TTC39A: variants seen among roughly 807,000 people sequenced by gnomAD.
The protein encoded by TTC39A is tetratricopeptide repeat protein 39A.
A neutral mutation model predicts 82.3 loss-of-function variants in TTC39A; 46 were observed. The ratio of observed to expected loss-of-function variants is 0.56; its 90% CI spans 0.44 to 0.71. TTC39A has a LOEUF of 0.71. Among genes scored for constraint, TTC39A ranks in the 30% least tolerant of loss-of-function variants. TTC39A has a pLI of 0.00. For missense variants in TTC39A, 543 were observed against 712.9 expected (o/e 0.76, Z 2.71); for synonymous variants, 254 against 275.2 (o/e 0.92, Z 0.76).
intron 13 of TTC39A, 191 bp downstream of exon 13, chr1:51,295,888 C>CCAGCAG (rs751822384): frequency 8.0e-6 from 5 of 623,036 alleles, no homozygotes; most frequent in Non-Finnish European, 1.2e-5. Flanking sequence ...GCTCCAACCA[C>CCAGCAG]CAGCAGCAGC....
chr1:51,302,054 G>A (rs1366110916), intron 11 of TTC39A: 1 of 712,506 alleles, frequency 1.4e-6, no homozygotes, highest in Non-Finnish European at 2.6e-6. Context: ...GCCCTAAACA[G>A]ATGGGCTTTC....
chr1:51,290,608 C>T lies in TTC39A; in HGVS notation c.1284G>A (p.Trp428Ter). 1 of 1,613,476 alleles carries T rather than the reference C, an allele frequency of 6.2e-7. No homozygotes were observed. The highest frequency in any genetic ancestry group is 8.5e-7 in the Non-Finnish European group (1 of 1,179,672). ...PVPALEMMYI[W>*]NGYAVIGKQP... ...GCTTCCCAATCACGGCGTAGCCGTT[C>T]CAGATGTACATCATTTCCTGAAGGC... Residue 428 changes from tryptophan (W) to a stop codon, truncating the protein, a stop_gained, in exon 15 of 18, where the codon TGG becomes TGA. Coordinates refer to ENST00000680483, the MANE Select transcript of TTC39A (RefSeq NM_001297663.2). LOFTEE classifies it high-confidence loss of function.
chr1:51,330,179 G>C lies in TTC39A; in HGVS notation c.41+258C>G. ...GGAAGGCTGCTCTGAACGTGTCTGT[G>C]ACTACAGCTCCGTGAGAAAGTTGGG... On this transcript the variant is annotated intron_variant, in intron 1 of 17. Coordinates refer to ENST00000680483, the MANE Select transcript of TTC39A (RefSeq NM_001297663.2). This position sits in a 1 kb window ranked among gnomAD's most constrained non-coding sequence, Gnocchi z 4.5. 1 of 985,614 alleles carries C rather than the reference G, an allele frequency of 1.0e-6. No homozygotes were observed. Among genetic ancestry groups the C allele is most frequent in the Non-Finnish European group, 1.2e-6 (1 of 830,112 alleles). The allele number at this position is 985,614 out of a possible 1,614,324, so 61.1% of individuals were successfully genotyped here.
rs74080555 is a variant in TTC39A, at chr1:51,343,535, T to C, written c.53+1456A>G. Among the ~76,000 whole-genome samples the C allele has an allele frequency of 8.2e-3, 1,254 of 152,308 alleles. 15 individuals are homozygous for C. The highest frequency in any genetic ancestry group is 0.029 in the African/African-American group (1,205 of 41,556). On this transcript the variant is annotated intron_variant, in intron 1 of 5. Transcript: ENST00000401051. The stretch of plus-strand genomic sequence containing the variant: ...TCAGCACTGCCAATTTTACTGGGCA[T>C]AACATTGCCTTATTGTATGCCTCGC...
intron 4 of TTC39A, 131 bp downstream of exon 4, chr1:51,311,988 C>T: frequency 1.0e-6 from 1 of 986,674 alleles, no homozygotes; most frequent in Non-Finnish European, 1.5e-6. Context: ...AGCTCTGACC[C>T]ATGTGTGTCC....
At chr1:51,318,350 G>T (rs1557732895) in intron 2 of TTC39A, among the ~76,000 whole-genome samples, 1 of 152,160 alleles carries the variant, frequency 6.6e-6, no homozygotes, top group African/African-American at 2.4e-5. Flanking sequence ...GACATTCCAA[G>T]ACAGAGCAGG....
intron 5 of TTC39A, chr1:51,309,554 G>A (rs2148216784): frequency 5.2e-6 from 5 of 954,634 alleles, no homozygotes; most frequent in Non-Finnish European, 7.2e-6. Context: ...TTGGAGAGAG[G>A]CCTGGAGGGG....
intron 16 of TTC39A, among the ~76,000 whole-genome samples, chr1:51,289,791 G>A (rs141810427): frequency 6.6e-6 from 1 of 152,334 alleles, no homozygotes; most frequent in Non-Finnish European, 1.5e-5. Flanking sequence ...GACTCCTGTA[G>A]TCAGGCAATT....
chr1:51,336,003 G>C (rs1645969946), upstream of TTC39A, among the ~76,000 whole-genome samples: 1 of 149,090 alleles, frequency 6.7e-6, no homozygotes, highest in Admixed American at 6.7e-5. Context: ...CCTTCCCCCA[G>C]GCCTTTCCCT....
At chr1:51,342,937 C>G in intron 1 of TTC39A, 1 of 421,972 alleles carries the variant, frequency 2.4e-6, no homozygotes, top group Non-Finnish European at 4.9e-6. Context: ...CCCAGCATCT[C>G]TCTCCTGGAC....
intron 6 of TTC39A, among the ~76,000 whole-genome samples, chr1:51,308,117 C>T (rs1393487884): frequency 6.6e-6 from 1 of 152,172 alleles, no homozygotes; most frequent in African/African-American, 2.4e-5. Flanking sequence ...AATTTATCAT[C>T]ACCAGCTTCA....
At chr1:51,313,691 T>C (rs1284213074) in intron 2 of TTC39A, among the ~76,000 whole-genome samples, 3 of 152,112 alleles carry the variant, frequency 2.0e-5, no homozygotes, top group Admixed American at 6.5e-5. Flanking sequence ...CCCAGCCTGT[T>C]CCCTCAGATT....
At chr1:51,302,161 C>T (rs1028751288) in intron 11 of TTC39A, 196 bp downstream of exon 11, 1 of 758,984 alleles carries the variant, frequency 1.3e-6, no homozygotes, top group Non-Finnish European at 2.4e-6. Flanking sequence ...ACCACAAATG[C>T]CTCCTCCTCC....
At chr1:51,309,457 C>G in intron 5 of TTC39A, 132 bp from the exon 6 acceptor site, 1 of 1,519,348 alleles carries the variant, frequency 6.6e-7, no homozygotes, top group Non-Finnish European at 8.8e-7. Flanking sequence ...GGAGGTCAGC[C>G]AAACCAGGCC....
Position 51,309,241 on chromosome 1 carries a change from G to C in TTC39A, c.488+20C>G, listed in dbSNP as rs774666422. 4 of 1,592,892 alleles carry C rather than the reference G, an allele frequency of 2.5e-6. No individual in the cohort carries two copies. Among genetic ancestry groups the C allele is most frequent in the Non-Finnish European group, 2.6e-6 (3 of 1,168,214 alleles). ...TGTGGCCCAGGGTCTCCCCACAAGC[G>C]GATGGCCAGCCCCACTCACTTGTAG... On this transcript the variant is annotated intron_variant, in intron 6 of 17. Coordinates refer to ENST00000680483, the MANE Select transcript of TTC39A (RefSeq NM_001297663.2).
intron 16 of TTC39A, among the ~76,000 whole-genome samples, chr1:51,289,466 T>C (rs1314473125): frequency 6.6e-6 from 1 of 152,156 alleles, no homozygotes; most frequent in Non-Finnish European, 1.5e-5. Flanking sequence ...GCCTCAGATG[T>C]CTTTCCTGTG....
chr1:51,326,791 T>G (rs1645727752), intron 1 of TTC39A, among the ~76,000 whole-genome samples: 1 of 152,216 alleles, frequency 6.6e-6, no homozygotes, highest in Admixed American at 6.5e-5. Context: ...CCCCTGCGTC[T>G]CCAAGACCTT....
upstream of TTC39A, among the ~76,000 whole-genome samples, chr1:51,336,317 C>A (rs1357345526): frequency 6.6e-6 from 1 of 152,140 alleles, no homozygotes; most frequent in African/African-American, 2.4e-5. Flanking sequence ...CTGCCCCCCG[C>A]TAGCTCTGTG....
Position 51,330,356 on chromosome 1 carries a change from A to G in TTC39A, c.41+81T>C. On this transcript the variant is annotated intron_variant, in intron 1 of 17. Coordinates refer to ENST00000680483, the MANE Select transcript of TTC39A (RefSeq NM_001297663.2). This position sits in a 1 kb window ranked among gnomAD's most constrained non-coding sequence, Gnocchi z 4.5. ...CGGCCCCAGGCCGGTGCGCGGGGGG[A>G]GGCCTGGCGCGGCGCCCGCCACCTG... The G allele has an allele frequency of 4.4e-6, 4 of 914,052 alleles. No homozygotes were observed. Among genetic ancestry groups the G allele is most frequent in the Non-Finnish European group, 5.2e-6 (4 of 767,258 alleles). The allele number at this position is 914,052 out of a possible 1,614,324, so 56.6% of individuals were successfully genotyped here.
Sources: allele counts gnomAD v4.1 joint callset (sites outside exome capture counted in the v4.1 genomes callset), GRCh38; gene constraint gnomAD v4.1.1; non-coding constraint Gnocchi (gnomAD v3.1); transcripts MANE v1.5; gene names NCBI Gene and HGNC (gene_info 2026-07-23, HGNC 2026-07-21).